PICALM: variants seen among roughly 807,000 people sequenced by gnomAD.
PICALM encodes the protein phosphatidylinositol binding clathrin assembly protein.
A neutral mutation model predicts 80.5 loss-of-function variants in PICALM; 40 were observed. The ratio of observed to expected loss-of-function variants is 0.50; its 90% CI spans 0.39 to 0.65. The LOEUF (loss-of-function observed/expected upper bound fraction) is 0.65. PICALM is among the 30% of genes least tolerant of loss of function. The probability of loss-of-function intolerance (pLI) is 0.00; values close to 1 mark genes in which losing one functional copy is unlikely to be tolerated. For synonymous variants in PICALM, 288 were observed against 260.3 expected, an observed-to-expected ratio of 1.11 and a Z score of -1.02; for missense variants, 676 against 778.9, an observed-to-expected ratio of 0.87 and a Z score of 1.57.
At chr11:85,972,462 T>C (rs2094141422) in intron 19 of PICALM, among the ~76,000 whole-genome samples, 1 of 152,228 alleles carries the variant, frequency 6.6e-6, no homozygotes, top group Admixed American at 6.5e-5. Context: ...CTGTCTTCTT[T>C]ACCTATGAAA....
chr11:86,012,465 A>C, intron 5 of PICALM, 73 bp from the exon 6 acceptor site: 1 of 832,000 alleles, frequency 1.2e-6, no homozygotes, highest in Admixed American at 1.9e-5. Flanking sequence ...ATTTCCTTCA[A>C]ATTAAGATAC....
intron 7 of PICALM, among the ~76,000 whole-genome samples, chr11:86,008,937 GAAAAAAAAAAAAGCC>G (rs1301004088): frequency 8.9e-5 from 5 of 56,040 alleles, no homozygotes; most frequent in Admixed American, 4.1e-4. Context: ...CCAGAAAAAG[GAAAAAAAAAAAAGCC>G]AAAAAAAAAA....
At chr11:86,046,780 G>A (rs2096078212) in intron 1 of PICALM, among the ~76,000 whole-genome samples, 1 of 152,130 alleles carries the variant, frequency 6.6e-6, no homozygotes, top group Non-Finnish European at 1.5e-5. Flanking sequence ...TGGGACTACA[G>A]GTACATGCCA....
chr11:86,033,278 G>GTGTA (rs1555114575), intron 1 of PICALM, among the ~76,000 whole-genome samples: 14 of 151,520 alleles, frequency 9.2e-5, no homozygotes, highest in African/African-American at 1.7e-4. Context: ...TGGTGTGTGT[G>GTGTA]TATATATATA....
rs372230554 is a variant in PICALM, at chr11:86,007,532, A to G, written c.807+10T>C. 3.6e-5 allele frequency: 54 copies of G among 1,484,804 alleles called. No individual in the cohort carries two copies. The highest frequency in any genetic ancestry group is 4.8e-5 in the Non-Finnish European group (51 of 1,067,660). 92.0% of individuals were successfully genotyped at this position (1,484,804 alleles called of 1,614,324 possible). On this transcript the variant is annotated intron_variant, in intron 8 of 19. Transcript: ENST00000393346. ...CAGATAGTGGATTGGTATTTTAACA[A>G]TAAACTTACCTGTGAAAGGTCTGGT...
intron 7 of PICALM, among the ~76,000 whole-genome samples, chr11:86,007,955 CAAA>C (rs564488814): frequency 7.8e-6 from 1 of 128,582 alleles, no homozygotes; most frequent in South Asian, 2.5e-4. Context: ...CTCTTTGATG[CAAA>C]AAAAAAAAAA....
At chr11:85,967,659 G>A (rs763567367) in intron 19 of PICALM, among the ~76,000 whole-genome samples, 9 of 152,202 alleles carry the variant, frequency 5.9e-5, no homozygotes, top group Non-Finnish European at 1.2e-4. Flanking sequence ...TGGAGAGATC[G>A]GCTGACAGAG....
chr11:86,019,551 A>G (rs187178331), intron 4 of PICALM, among the ~76,000 whole-genome samples: 100 of 152,352 alleles, frequency 6.6e-4, no homozygotes, highest in South Asian at 1.7e-3. Context: ...AATACACTGA[A>G]GATCAACTTC....
intron 1 of PICALM, among the ~76,000 whole-genome samples, chr11:86,044,132 G>A (rs2096024921): frequency 6.6e-6 from 1 of 152,198 alleles, no homozygotes; most frequent in African/African-American, 2.4e-5. Flanking sequence ...TATACTAATG[G>A]GAGGAATGTA....
intron 1 of PICALM, among the ~76,000 whole-genome samples, chr11:86,068,058 G>A (rs2096471062): frequency 1.3e-5 from 2 of 152,200 alleles, no homozygotes; most frequent in Non-Finnish European, 2.9e-5. Context: ...TACTATAGAG[G>A]CGATGAAAAG....
intron 12 of PICALM, among the ~76,000 whole-genome samples, chr11:85,994,504 C>T (rs757676328): frequency 3.1e-4 from 47 of 152,074 alleles, no homozygotes; most frequent in Admixed American, 1.0e-3. Context: ...TTAAATACTA[C>T]GTCTGTTATT....
chr11:86,057,411 C>T (rs1352261405), intron 1 of PICALM, among the ~76,000 whole-genome samples: 1 of 152,024 alleles, frequency 6.6e-6, no homozygotes, highest in Non-Finnish European at 1.5e-5. Context: ...TGGTGGCTCG[C>T]GCCTGTAATC....
chr11:85,975,175 T>G (rs935337040), intron 18 of PICALM, among the ~76,000 whole-genome samples: 2 of 152,214 alleles, frequency 1.3e-5, no homozygotes, highest in Admixed American at 1.3e-4. Flanking sequence ...TCTTCGCTGC[T>G]AAGAAATTTC....
At chr11:86,035,558 T>G (rs1009103052) in intron 1 of PICALM, among the ~76,000 whole-genome samples, 2 of 152,160 alleles carry the variant, frequency 1.3e-5, no homozygotes, top group Non-Finnish European at 2.9e-5. Flanking sequence ...TAGTAATCCC[T>G]TTCAAAAAGG....
chr11:85,987,040 A>G (rs2094593792), intron 13 of PICALM, among the ~76,000 whole-genome samples: 1 of 152,224 alleles, frequency 6.6e-6, no homozygotes, highest in African/African-American at 2.4e-5. Context: ...AAGACATTCC[A>G]AACACCTTTT....
rs373669987 is a variant in PICALM, at chr11:86,053,949, G to C, written c.130+14702C>G. 1.8e-4 allele frequency among the ~76,000 whole-genome samples: 27 copies of C among 152,278 alleles called. 1 individual carries two copies. In the East Asian group the frequency reaches 5.2e-3, roughly 29 times the overall value. ...ATATATCATTTTCAGATATATAAAAGTCACTAATTAAATCAAACAGGCCAC... is the reference window on the plus strand; with the variant it reads ...ATATATCATTTTCAGATATATAAAACTCACTAATTAAATCAAACAGGCCAC... On this transcript the variant is annotated intron_variant, in intron 1 of 19. Transcript: ENST00000393346.
At chr11:86,017,423 G>A (rs186188516) in intron 4 of PICALM, among the ~76,000 whole-genome samples, 1 of 152,056 alleles carries the variant, frequency 6.6e-6, no homozygotes, top group African/African-American at 2.4e-5. Flanking sequence ...AGATTGTAAA[G>A]CTTTTAACAA....
At position 85,964,901 on chromosome 11, in the gene PICALM, T is replaced by A. The variant is rs185802136; in HGVS notation, c.1945-5841A>T. Among the ~76,000 whole-genome samples, 15 of 152,318 alleles carry A rather than the reference T, an allele frequency of 9.8e-5. No individual in the cohort carries two copies. In the East Asian group the frequency reaches 2.9e-3, roughly 29 times the overall value. On this transcript the variant is annotated intron_variant, in intron 19 of 19. Coordinates refer to ENST00000393346, the MANE Select transcript of PICALM (RefSeq NM_007166.4). The stretch of plus-strand genomic sequence containing the variant: ...CTCCATATAAAAACAGTCTCCAAAG[T>A]GGAATGTACAAAGAAATTATTACAA...
intron 5 of PICALM, among the ~76,000 whole-genome samples, chr11:86,013,389 T>C (rs1220619877): frequency 2.0e-5 from 3 of 152,090 alleles, no homozygotes; most frequent in Admixed American, 2.0e-4. Flanking sequence ...TTTTGGAATA[T>C]AAGCAATATT....
Sources: allele counts gnomAD v4.1 joint callset (sites outside exome capture counted in the v4.1 genomes callset), GRCh38; gene constraint gnomAD v4.1.1; transcripts MANE v1.5; gene names NCBI Gene and HGNC (gene_info 2026-07-23, HGNC 2026-07-21).